The following MAP2K4 variants were observed in gnomAD, a reference collection of about 807,000 sequenced individuals.
MAP2K4 encodes mitogen-activated protein kinase kinase 4, also known as dual specificity mitogen-activated protein kinase kinase 4.
Under a neutral mutation model 48.5 loss-of-function variants are expected in MAP2K4, and 4 were observed. That is an observed-to-expected ratio of 0.08 (90% CI 0.04 to 0.19). MAP2K4 has a LOEUF of 0.19. Ranked by LOEUF, MAP2K4 falls within the 10% of genes least tolerant of loss-of-function variation. The probability of loss-of-function intolerance (pLI) is 1.00; values close to 1 mark genes in which losing one functional copy is unlikely to be tolerated. For missense variants in MAP2K4, 258 were observed against 493.3 expected, an observed-to-expected ratio of 0.52 and a Z score of 4.52; for synonymous variants, 166 against 173.1, an observed-to-expected ratio of 0.96 and a Z score of 0.32.
chr17:12,048,227 C>T (rs1415364731), intron 1 of MAP2K4, among the ~76,000 whole-genome samples: 1 of 152,148 alleles, frequency 6.6e-6, no homozygotes, highest in African/African-American at 2.4e-5. Flanking sequence ...GTGGAGGGGT[C>T]AGCTACCTTA....
At chr17:12,117,873 G>A (rs1432568617) in intron 7 of MAP2K4, among the ~76,000 whole-genome samples, 2 of 152,158 alleles carry the variant, frequency 1.3e-5, no homozygotes, top group Non-Finnish European at 2.9e-5. Flanking sequence ...TGTGCTGAAA[G>A]TGATGAACAA....
intron 10 of MAP2K4, among the ~76,000 whole-genome samples, chr17:12,140,579 C>T (rs1973346108): frequency 6.6e-6 from 1 of 152,118 alleles, no homozygotes; most frequent in African/African-American, 2.4e-5. Flanking sequence ...GACCCTGGCT[C>T]TGGAGAGTAC....
intron 2 of MAP2K4, among the ~76,000 whole-genome samples, chr17:12,067,328 T>G (rs1280738340): frequency 6.6e-6 from 1 of 152,204 alleles, no homozygotes; most frequent in Non-Finnish European, 1.5e-5. Flanking sequence ...TCAGCCCTTT[T>G]CTTGTCATAG....
intron 1 of MAP2K4, among the ~76,000 whole-genome samples, chr17:12,022,754 T>A (rs1170751345): frequency 6.6e-6 from 1 of 152,130 alleles, no homozygotes; most frequent in African/African-American, 2.4e-5. Context: ...TAGCTAAACA[T>A]GAAAAATTAC....
In MAP2K4 at chr17:12,142,599, G is replaced by A. The variant is rs1185139556; in HGVS notation, c.*1339G>A. 2 of 232,972 alleles carry A rather than the reference G, an allele frequency of 8.6e-6. No individual in the cohort carries two copies. The highest frequency in any genetic ancestry group is 1.7e-5 in the Non-Finnish European group (2 of 117,944). The allele number at this position is 232,972 out of a possible 1,614,324, so 14.4% of individuals were successfully genotyped here. On this transcript the variant is annotated 3_prime_UTR_variant, in exon 11 of 11. Coordinates refer to ENST00000353533, the MANE Select transcript of MAP2K4 (RefSeq NM_003010.4). ...CTAGAGACACATTGGACCAGATGAG[G>A]ATCCGAAACGGCAGCCTTTACGTTC...
chr17:12,098,991 A>G lies in MAP2K4; in HGVS notation c.513+3297A>G, dbSNP rs149013265. ...TACAGTTTGTGTTTTTAGTGTATCC[A>G]TCACCCAAACAATGTAAATTGTACC... On this transcript the variant is annotated intron_variant, in intron 4 of 10. Transcript: ENST00000353533. Among the ~76,000 whole-genome samples the G allele has an allele frequency of 1.6e-4, 24 of 152,160 alleles. No homozygotes were observed. The East Asian group carries it at 4.4e-3, about 28-fold the overall frequency.
chr17:12,051,256 A>G (rs1243291205), intron 1 of MAP2K4, among the ~76,000 whole-genome samples: 1 of 152,124 alleles, frequency 6.6e-6, no homozygotes, highest in Non-Finnish European at 1.5e-5. Context: ...TGATGAGGAC[A>G]GGTACTGTTC....
chr17:12,026,392 T>C (rs1443023518), intron 1 of MAP2K4, among the ~76,000 whole-genome samples: 2 of 152,196 alleles, frequency 1.3e-5, no homozygotes, highest in Non-Finnish European at 1.5e-5. Flanking sequence ...TCAGTCTCCT[T>C]TGTAGTCTCT....
At chr17:12,141,092 T>C (rs1426303219) in intron 10 of MAP2K4, 55 bp from the exon 11 acceptor site, 2 of 1,062,532 alleles carry the variant, frequency 1.9e-6, no homozygotes, top group Non-Finnish European at 2.9e-6. Flanking sequence ...TGGAAAATGT[T>C]CAGTTTGGGC....
intron 2 of MAP2K4, among the ~76,000 whole-genome samples, chr17:12,071,654 C>G (rs1456201186): frequency 6.6e-6 from 1 of 152,096 alleles, no homozygotes; most frequent in Non-Finnish European, 1.5e-5. Flanking sequence ...AAACAAAAAT[C>G]ACAGTTTTGA....
At chr17:12,119,562 G>T (rs1162461788) in intron 7 of MAP2K4, among the ~76,000 whole-genome samples, 1 of 152,236 alleles carries the variant, frequency 6.6e-6, no homozygotes, top group Non-Finnish European at 1.5e-5. Flanking sequence ...TTCAACCATT[G>T]TGGAAAGCAG....
chr17:12,050,181 T>C (rs1016777682), intron 1 of MAP2K4, among the ~76,000 whole-genome samples: 2 of 152,106 alleles, frequency 1.3e-5, no homozygotes, highest in African/African-American at 4.8e-5. Context: ...TCCTGTGATA[T>C]AATGAAACGA....
At chr17:12,112,672 C>A (rs1972345529) in intron 6 of MAP2K4, among the ~76,000 whole-genome samples, 1 of 152,060 alleles carries the variant, frequency 6.6e-6, no homozygotes, top group African/African-American at 2.4e-5. Context: ...GATAAAAGGA[C>A]TGAGCTATGG....
chr17:12,142,254 T>G lies in MAP2K4; in HGVS notation c.*994T>G, dbSNP rs1463216885. ...CTCACTAACAGGGAGAAGTAGCTAG[T>G]AGCAATGTGCCTTGATTGATTAGAT... On this transcript the variant is annotated 3_prime_UTR_variant, in exon 11 of 11. Coordinates refer to ENST00000353533, the MANE Select transcript of MAP2K4 (RefSeq NM_003010.4). 4.3e-6 allele frequency: 1 copy of G among 233,444 alleles called. No homozygotes were observed. Among genetic ancestry groups the G allele is most frequent in the Non-Finnish European group, 8.5e-6 (1 of 117,942 alleles). 14.5% of individuals were successfully genotyped at this position (233,444 alleles called of 1,614,324 possible).
In MAP2K4 at chr17:12,095,652, T is replaced by G. The variant is rs1314005490; in HGVS notation, c.471T>G (p.Asp157Glu). 9.3e-6 allele frequency: 15 copies of G among 1,613,890 alleles called. No individual in the cohort carries two copies. The highest frequency in any genetic ancestry group is 1.3e-5 in the Non-Finnish European group (15 of 1,179,964). Residue 157 changes from aspartate to glutamate, a missense_variant, in exon 4 of 11, where the codon GAT (aspartate) becomes GAG (glutamate). Transcript: ENST00000353533. ...TGGATGTAGTAATGCGGAGTAGTGA[T>G]TGCCCATACATTGTTCAGTTTTATG... ...MDLDVVMRSS[D>E]CPYIVQFYGA... is the part of the protein sequence containing the mutation.
At chr17:12,092,565 CTTGAG>C (rs1024113089) in intron 3 of MAP2K4, among the ~76,000 whole-genome samples, 2 of 152,108 alleles carry the variant, frequency 1.3e-5, no homozygotes, top group African/African-American at 4.8e-5. Context: ...ATGTATTCTA[CTTGAG>C]TTATTTATTG....
intron 1 of MAP2K4, among the ~76,000 whole-genome samples, chr17:12,040,498 T>C (rs1215189851): frequency 6.6e-6 from 1 of 152,234 alleles, no homozygotes; most frequent in Non-Finnish European, 1.5e-5. Flanking sequence ...TAGGGCTCAT[T>C]AATCTTTGCA....
In MAP2K4 at chr17:12,081,553, T is replaced by C. The variant is rs1971185393; in HGVS notation, c.393+23T>C. The C allele has an allele frequency of 2.5e-6, 4 of 1,611,306 alleles. No homozygotes were observed. The highest frequency in any genetic ancestry group is 4.5e-5 in the East Asian group (2 of 44,826). On this transcript the variant is annotated intron_variant, in intron 3 of 10. Coordinates refer to ENST00000353533, the MANE Select transcript of MAP2K4 (RefSeq NM_003010.4). The surrounding 1 kb of genome is among the most constrained non-coding windows in gnomAD (Gnocchi z 4.2). ...AAAGTAGGTGATGCCATGATTATTT[T>C]TGGTACTTTAATCCATTAGGTGAAA... is the stretch of plus-strand genomic sequence containing the variant.
intron 1 of MAP2K4, 110 bp downstream of exon 1, chr17:12,021,111 C>A: frequency 1.7e-6 from 1 of 580,422 alleles, no homozygotes; most frequent in South Asian, 8.6e-5. Flanking sequence ...CCACGGCAGC[C>A]GCCGGCTTCT....
Sources: gnomAD v4.1 joint callset for allele counts (sites outside exome capture counted in the v4.1 genomes callset) on GRCh38, gnomAD v4.1.1 for gene constraint, Gnocchi (gnomAD v3.1) non-coding constraint, MANE v1.5 for transcripts, NCBI Gene and HGNC (gene_info 2026-07-23, HGNC 2026-07-21) for gene names.